The following XYLT1 variants were observed in gnomAD, a reference collection of about 807,000 sequenced individuals.
XYLT1 encodes the protein xylosyltransferase 1.
Under a neutral mutation model 91.3 loss-of-function variants are expected in XYLT1, and 36 were observed. The ratio of observed to expected loss-of-function variants is 0.39; its 90% CI spans 0.30 to 0.52. The LOEUF (loss-of-function observed/expected upper bound fraction) is 0.52, where lower values mean the gene tolerates loss of function less well. Ranked by LOEUF, XYLT1 falls within the 20% of genes least tolerant of loss-of-function variation. The probability of loss-of-function intolerance (pLI) is 0.68; values close to 1 mark genes in which losing one functional copy is unlikely to be tolerated. For synonymous variants in XYLT1, 588 were observed against 532.0 expected (o/e 1.11, Z -1.45); for missense variants, 1,242 against 1,284.5 (o/e 0.97, Z 0.51).
At chr16:17,443,689 A>G (rs2036559314) in intron 1 of XYLT1, among the ~76,000 whole-genome samples, 1 of 152,232 alleles carries the variant, frequency 6.6e-6, no homozygotes, top group Admixed American at 6.5e-5. Flanking sequence ...GACAGGCATT[A>G]GAAACGTAGT....
chr16:17,207,191 G>T (rs1410494042), intron 3 of XYLT1, among the ~76,000 whole-genome samples: 2 of 151,656 alleles, frequency 1.3e-5, no homozygotes, highest in African/African-American at 4.8e-5. Context: ...CTGAGTAGCT[G>T]GGATTATAGG....
chr16:17,224,277 A>G (rs2033024191), intron 3 of XYLT1, among the ~76,000 whole-genome samples: 5 of 152,234 alleles, frequency 3.3e-5, no homozygotes, highest in Admixed American at 3.3e-4. Context: ...AAGGTGAACC[A>G]TTTACAAAGC....
intron 5 of XYLT1, among the ~76,000 whole-genome samples, chr16:17,180,497 A>C (rs2032044297): frequency 1.3e-5 from 2 of 152,172 alleles, no homozygotes; most frequent in African/African-American, 4.8e-5. Context: ...TTGCCAAGTA[A>C]TGTTGACTGA....
At chr16:17,344,362 G>A (rs574162547) in intron 2 of XYLT1, among the ~76,000 whole-genome samples, 20 of 151,398 alleles carry the variant, frequency 1.3e-4, no homozygotes, top group East Asian at 7.9e-4. Flanking sequence ...GCGTGGTGGC[G>A]GGCGCCTGTA....
intron 2 of XYLT1, among the ~76,000 whole-genome samples, chr16:17,350,968 A>G (rs2035211995): frequency 6.6e-6 from 1 of 152,142 alleles, no homozygotes. Flanking sequence ...CAGTCCAGAG[A>G]CCTTGGCAAA....
chr16:17,134,737 T>C lies in XYLT1; in HGVS notation c.1765-2A>G. The stretch of plus-strand genomic sequence containing the variant: ...AAAGAAGGTAGGCCGGGCTGTCTGC[T>C]GTACTCATGGGATTAAAAATAGAAA... On this transcript the variant is annotated splice_acceptor_variant, in intron 8 of 11. Coordinates refer to ENST00000261381, the MANE Select transcript of XYLT1 (RefSeq NM_022166.4). LOFTEE classifies it high-confidence loss of function. The C allele has an allele frequency of 6.2e-7, 1 of 1,613,268 alleles. No individual in the cohort carries two copies. Among genetic ancestry groups the C allele is most frequent in the South Asian group, 1.1e-5 (1 of 91,072 alleles).
chr16:17,331,795 A>G lies in XYLT1; in HGVS notation c.402+26217T>C, dbSNP rs547548985. On this transcript the variant is annotated intron_variant, in intron 2 of 11. Transcript: ENST00000261381. Reference sequence around the variant, plus strand: ...CTTTTCCCCACCACACTGTGGTATAAGGCCTAAAATTAATATTATGTGCTG... The same window carrying G: ...CTTTTCCCCACCACACTGTGGTATAGGGCCTAAAATTAATATTATGTGCTG... 4.1e-4 allele frequency among the ~76,000 whole-genome samples: 62 copies of G among 152,276 alleles called. No homozygotes were observed. The South Asian group carries it at 7.5e-3, about 18-fold the overall frequency.
At chr16:17,405,990 G>T (rs2036028552) in intron 1 of XYLT1, among the ~76,000 whole-genome samples, 1 of 152,022 alleles carries the variant, frequency 6.6e-6, no homozygotes, top group Non-Finnish European at 1.5e-5. Flanking sequence ...TTTGAGACCA[G>T]CCTGGCCAAC....
chr16:17,167,447 A>G (rs1284692836), intron 5 of XYLT1, among the ~76,000 whole-genome samples: 1 of 152,150 alleles, frequency 6.6e-6, no homozygotes. Flanking sequence ...CATCTCGTGA[A>G]TGGATTCTAA....
chr16:17,359,779 T>A (rs1224274866), intron 1 of XYLT1, among the ~76,000 whole-genome samples: 1 of 152,136 alleles, frequency 6.6e-6, no homozygotes, highest in African/African-American at 2.4e-5. Context: ...ACTGATTCCT[T>A]CCCAGGGGTG....
intron 7 of XYLT1, 52 bp from the exon 8 acceptor site, chr16:17,138,583 T>C (rs1172448025): frequency 6.3e-7 from 1 of 1,586,222 alleles, no homozygotes; most frequent in South Asian, 1.1e-5. Flanking sequence ...CTCCCACAGA[T>C]GAACTGGGGT....
At chr16:17,196,797 G>A (rs541680574) in intron 5 of XYLT1, among the ~76,000 whole-genome samples, 10 of 151,926 alleles carry the variant, frequency 6.6e-5, no homozygotes, top group South Asian at 2.1e-4. Context: ...AGCCTGGCAC[G>A]ATGGCTCACA....
At chr16:17,132,760 G>C (rs182279959) in intron 9 of XYLT1, among the ~76,000 whole-genome samples, 3 of 152,198 alleles carry the variant, frequency 2.0e-5, no homozygotes, top group Admixed American at 2.0e-4. Flanking sequence ...AAAATTAGCT[G>C]GGTGTGCTGG....
chr16:17,282,912 T>C (rs2034078535), intron 2 of XYLT1, among the ~76,000 whole-genome samples: 1 of 152,178 alleles, frequency 6.6e-6, no homozygotes, highest in Non-Finnish European at 1.5e-5. Flanking sequence ...TAGCTACTAT[T>C]GCTAACCCCA....
intron 1 of XYLT1, among the ~76,000 whole-genome samples, chr16:17,464,777 T>C (rs2036867561): frequency 6.6e-6 from 1 of 152,264 alleles, no homozygotes. Flanking sequence ...TGATTCAATA[T>C]AAATTGCATG....
rs200980375 is a variant in XYLT1 at position 17,259,005 on chromosome 16, C to G, written c.896G>C (p.Arg299Pro). Reference sequence around the variant, plus strand: ...GAACTTACCCTCGAGGGGGCAGAACCGAGTCACCTTCTCAGGCATCAGCAG... The same window carrying G: ...GAACTTACCCTCGAGGGGGCAGAACGGAGTCACCTTCTCAGGCATCAGCAG... ...LGLLMPEKVTRFCPLEGKANK... is the reference protein window; with the variant it reads ...LGLLMPEKVTPFCPLEGKANK... Residue 299 changes from arginine to proline, a missense_variant, in exon 3 of 12, where the codon CGG (arginine) becomes CCG (proline). Coordinates refer to ENST00000261381, the MANE Select transcript of XYLT1 (RefSeq NM_022166.4). 6.6e-6 allele frequency: 10 copies of G among 1,505,666 alleles called. No individual in the cohort carries two copies. Among genetic ancestry groups the G allele is most frequent in the Non-Finnish European group, 7.1e-6 (8 of 1,127,038 alleles). The allele number at this position is 1,505,666 out of a possible 1,614,324, so 93.3% of individuals were successfully genotyped here.
intron 6 of XYLT1, among the ~76,000 whole-genome samples, chr16:17,143,232 C>T (rs147771200): frequency 1.1e-3 from 173 of 152,282 alleles, no homozygotes; most frequent in Non-Finnish European, 1.8e-3. Context: ...TTGCCATTAC[C>T]ATCATCACCA....
intron 1 of XYLT1, among the ~76,000 whole-genome samples, chr16:17,395,344 C>T (rs72783503): frequency 0.13 from 19,683 of 152,004 alleles, 1,355 homozygotes; most frequent in Middle Eastern, 0.16. Flanking sequence ...CCCACCCACA[C>T]CAATCTCTTA....
chr16:17,119,997 A>G (rs1038120783), intron 10 of XYLT1, among the ~76,000 whole-genome samples: 5 of 152,182 alleles, frequency 3.3e-5, no homozygotes, highest in African/African-American at 1.2e-4. Flanking sequence ...ATTAGGACTA[A>G]GAAAGCATCC....
Sources: allele counts gnomAD v4.1 joint callset (sites outside exome capture counted in the v4.1 genomes callset), GRCh38; gene constraint gnomAD v4.1.1; transcripts MANE v1.5; gene names NCBI Gene and HGNC (gene_info 2026-07-23, HGNC 2026-07-21).